The following PICK1 variants were observed in gnomAD, a reference collection of about 807,000 sequenced individuals.
PICK1 encodes the protein PRKCA-binding protein.
Under a neutral mutation model 48.9 loss-of-function variants are expected in PICK1, and 23 were observed. The observed-to-expected ratio is 0.47, with a 90% confidence interval of 0.34 to 0.67. The LOEUF is 0.67. Among genes scored for constraint, PICK1 ranks in the 30% least tolerant of loss-of-function variants. The pLI is 0.01. For missense variants in PICK1, 423 were observed against 557.1 expected (o/e 0.76, Z 2.42); for synonymous variants, 217 against 228.2 (o/e 0.95, Z 0.44).
chr22:38,059,678 T>G (rs759293950), intron 3 of PICK1, among the ~76,000 whole-genome samples: 31 of 152,192 alleles, frequency 2.0e-4, no homozygotes, highest in South Asian at 1.0e-3. Context: ...CAATAGAAAT[T>G]GACTATTGAA....
rs752221521 is a variant in PICK1 at position 38,067,785 on chromosome 22, G to A, written c.349+15G>A. 1 of 1,610,688 alleles carries A rather than the reference G, an allele frequency of 6.2e-7. No individual in the cohort carries two copies. The highest frequency in any genetic ancestry group is 1.3e-5 in the African/African-American group (1 of 74,998). On this transcript the variant is annotated intron_variant, in intron 5 of 12. Transcript: ENST00000356976. ...CCTGGACATTGGTAAGCTGGTCAGA[G>A]CAGTTACGGGTGTCCAGCAGCCTCC... is the stretch of plus-strand genomic sequence containing the variant.
At position 38,074,128 on chromosome 22, in the gene PICK1, A is replaced by G; in HGVS notation, c.835-179A>G. ...CCATTTCGTGGCCAGTGTTCATTGA[A>G]TGTGGCAGAGGTTTGGGTTTGGTTT... On this transcript the variant is annotated intron_variant, in intron 11 of 12. Transcript: ENST00000356976. This position sits in a 1 kb window ranked among gnomAD's most constrained non-coding sequence, Gnocchi z 4.5. 1 of 705,830 alleles carries G rather than the reference A, an allele frequency of 1.4e-6. No homozygotes were observed. The highest frequency in any genetic ancestry group is 2.7e-5 in the East Asian group (1 of 36,902). The allele number at this position is 705,830 out of a possible 1,614,324, so 43.7% of individuals were successfully genotyped here.
intron 3 of PICK1, among the ~76,000 whole-genome samples, 156 bp from the exon 4 acceptor site, chr22:38,064,846 C>T (rs1389682494): frequency 6.6e-6 from 1 of 152,172 alleles, no homozygotes; most frequent in African/African-American, 2.4e-5. Flanking sequence ...GCTGTGATCA[C>T]GCCACTGCAC....
rs554351221 is a variant in PICK1 at position 38,064,864 on chromosome 22, C to T, written c.154-138C>T. ...GTGATCACGCCACTGCACTCCAGCC[C>T]GGGTGGTGAGACGCTTTCTCAAAAA... On this transcript the variant is annotated intron_variant, in intron 3 of 12. Coordinates refer to ENST00000356976, the MANE Select transcript of PICK1 (RefSeq NM_012407.4). 1,595 of 964,336 alleles carry T rather than the reference C, an allele frequency of 1.7e-3. 5 individuals carry two copies. Among genetic ancestry groups the T allele is most frequent in the Non-Finnish European group, 2.2e-3 (1,302 of 598,978 alleles). The allele number at this position is 964,336 out of a possible 1,614,324, so 59.7% of individuals were successfully genotyped here.
rs2085523223 is a variant in PICK1, at chr22:38,066,309, G to T, written c.282+1179G>T. 6.6e-6 allele frequency among the ~76,000 whole-genome samples: 1 copy of T among 152,192 alleles called. No individual in the cohort carries two copies. Among genetic ancestry groups the T allele is most frequent in the South Asian group, 2.1e-4 (1 of 4,836 alleles). On this transcript the variant is annotated intron_variant, in intron 4 of 12. Transcript: ENST00000356976. This position sits in a 1 kb window ranked among gnomAD's most constrained non-coding sequence, Gnocchi z 4.1. The stretch of plus-strand genomic sequence containing the variant: ...GGGGGTCTCGTTCTGGCCGAGTTGG[G>T]TTGTGTGTGCCCCATTTGGCAGCCC...
At position 38,065,146 on chromosome 22, in the gene PICK1, G is replaced by A. The variant is rs201199072; in HGVS notation, c.282+16G>A. On this transcript the variant is annotated intron_variant, in intron 4 of 12. Transcript: ENST00000356976. The stretch of plus-strand genomic sequence containing the variant: ...GGAGGTGAAGGTAAGGGCTGCTGCA[G>A]AGCAGGTGTCCAGAGGCAGCAACAC... 1.2e-3 allele frequency: 1,959 copies of A among 1,612,028 alleles called. 1 individual carries two copies. The highest frequency in any genetic ancestry group is 1.5e-3 in the Non-Finnish European group (1,802 of 1,178,932).
At position 38,074,026 on chromosome 22, in the gene PICK1, G is replaced by A; in HGVS notation, c.834+203G>A. On this transcript the variant is annotated intron_variant, in intron 11 of 12. Transcript: ENST00000356976. The surrounding 1 kb of genome is among the most constrained non-coding windows in gnomAD (Gnocchi z 4.5). ...CCGGGAACCACTCCCTCAGTCTGGG[G>A]GACTCTTGGAGGGAAATCGGATTTT... 1.6e-6 allele frequency: 1 copy of A among 642,056 alleles called. No individual in the cohort carries two copies. The highest frequency in any genetic ancestry group is 1.8e-5 in the African/African-American group (1 of 54,908). 39.8% of individuals were successfully genotyped at this position (642,056 alleles called of 1,614,324 possible).
At chr22:38,058,644 C>T (rs1302798187) in intron 2 of PICK1, among the ~76,000 whole-genome samples, 4 of 152,130 alleles carry the variant, frequency 2.6e-5, no homozygotes, top group African/African-American at 4.8e-5. Flanking sequence ...TAGAAGAACT[C>T]TGATAAGGGT....
At chr22:38,067,602 C>A in intron 4 of PICK1, 102 bp from the exon 5 acceptor site, 1 of 1,039,206 alleles carries the variant, frequency 9.6e-7, no homozygotes, top group Non-Finnish European at 1.5e-6. Flanking sequence ...AGCCACCGCA[C>A]CCGGCCTTGG....
chr22:38,067,820 C>T (rs774637900), intron 5 of PICK1, 50 bp downstream of exon 5: 20 of 1,495,248 alleles, frequency 1.3e-5, no homozygotes, highest in Non-Finnish European at 1.9e-5. Context: ...CCTGGATGGG[C>T]CCTGGCCCAA....
intron 3 of PICK1, 40 bp downstream of exon 3, chr22:38,059,385 A>G (rs367629880): frequency 6.2e-5 from 82 of 1,326,592 alleles, no homozygotes; most frequent in Non-Finnish European, 8.5e-5. Flanking sequence ...GTACATCCCT[A>G]CTTGGGCATG....
intron 8 of PICK1, among the ~76,000 whole-genome samples, chr22:38,072,260 G>A (rs1283186347): frequency 6.6e-6 from 1 of 152,170 alleles, no homozygotes; most frequent in Non-Finnish European, 1.5e-5. Context: ...GGACTCTAGG[G>A]GGCACAGACC....
In PICK1 at chr22:38,072,512, G is replaced by C. The variant is rs2085723465; in HGVS notation, c.592G>C (p.Glu198Gln). ...GDVFSVIGVREPQPAASEAFV... is the reference protein window; with the variant it reads ...GDVFSVIGVRQPQPAASEAFV... ...CGTGTTCTCCGTGATCGGGGTGCGG[G>C]AGCCCCAGCCAGCTGCGAGCGAGGC... The change falls in exon 9 of 13, where the codon GAG becomes CAG. Residue 198 changes from glutamate to glutamine, a missense_variant. By Grantham distance (29) the Glu-to-Gln change is conservative. This residue lies in a region of PICK1 where 279 missense variants were observed against 417.8 expected (regional missense o/e 0.67). Coordinates refer to ENST00000356976, the MANE Select transcript of PICK1 (RefSeq NM_012407.4). The C allele has an allele frequency of 1.2e-6, 2 of 1,613,474 alleles. No homozygotes were observed. Among genetic ancestry groups the C allele is most frequent in the Non-Finnish European group, 1.7e-6 (2 of 1,180,042 alleles).
Position 38,070,885 on chromosome 22 carries a change from T to G in PICK1, c.487T>G (p.Tyr163Asp). ...GGAGCTGGAGCGGACCGCTGAGCTATACAAAGGTGGGTGGGGGGTGGCCTC... is the reference window on the plus strand; with the variant it reads ...GGAGCTGGAGCGGACCGCTGAGCTAGACAAAGGTGGGTGGGGGGTGGCCTC... ...LEELERTAELYKGMTEHTKNL... is the reference protein window; with the variant it reads ...LEELERTAELDKGMTEHTKNL... The change falls in exon 7 of 13, where the codon TAC becomes GAC. Residue 163 changes from tyrosine to aspartate, a missense_variant. Around this residue, in one of 2 missense-constraint regions of PICK1, gnomAD observed 279 missense variants for 417.8 expected, o/e 0.67. Transcript: ENST00000356976. 5.0e-6 allele frequency: 8 copies of G among 1,613,850 alleles called. No homozygotes were observed. Among genetic ancestry groups the G allele is most frequent in the Non-Finnish European group, 6.8e-6 (8 of 1,179,884 alleles).
At chr22:38,064,863 C>A (rs577838337) in intron 3 of PICK1, 139 bp from the exon 4 acceptor site, 2 of 958,012 alleles carry the variant, frequency 2.1e-6, no homozygotes. Context: ...GCACTCCAGC[C>A]CGGGTGGTGA....
rs751625775 is a variant in PICK1 at position 38,065,109 on chromosome 22, G to A, written c.261G>A (p.Ala87=). ...SIKGKTKVEV[A]KMIQEVKGEV... is the part of the protein sequence containing the mutation. ...AAGGGAAAACTAAGGTGGAGGTGGC[G>A]AAGATGATTCAGGAGGTGAAGGTAA... The change falls in exon 4 of 13, where the codon GCG becomes GCA. Residue 87 remains alanine (A), a synonymous_variant. Coordinates refer to ENST00000356976, the MANE Select transcript of PICK1 (RefSeq NM_012407.4). 11 of 1,613,930 alleles carry A rather than the reference G, an allele frequency of 6.8e-6. No homozygotes were observed. The highest frequency in any genetic ancestry group is 6.7e-5 in the East Asian group (3 of 44,884).
At chr22:38,058,115 C>T in intron 2 of PICK1, 1 of 537,608 alleles carries the variant, frequency 1.9e-6, no homozygotes, top group Non-Finnish European at 3.4e-6. Flanking sequence ...AGTGCTTCTG[C>T]TGGGATGGTC....
chr22:38,069,605 G>A (rs961092671), intron 6 of PICK1, among the ~76,000 whole-genome samples: 1 of 152,176 alleles, frequency 6.6e-6, no homozygotes, highest in Non-Finnish European at 1.5e-5. Flanking sequence ...GAAACACTCA[G>A]TCCCCCTCCT....
intron 9 of PICK1, 35 bp from the exon 10 acceptor site, chr22:38,072,965 C>T (rs764848046): frequency 6.4e-6 from 9 of 1,400,412 alleles, no homozygotes; most frequent in East Asian, 2.3e-5. Context: ...ACACCCCTGC[C>T]GTGACAGCCT....
Sources: allele counts gnomAD v4.1 joint callset (sites outside exome capture counted in the v4.1 genomes callset), GRCh38; gene constraint gnomAD v4.1.1; regional missense constraint gnomAD v4.1.1; non-coding constraint Gnocchi (gnomAD v3.1); transcripts MANE v1.5; gene names NCBI Gene and HGNC (gene_info 2026-07-23, HGNC 2026-07-21).